The following PPP4R3A variants were observed in gnomAD, a reference collection of about 807,000 sequenced individuals.
The protein encoded by PPP4R3A is protein phosphatase 4 regulatory subunit 3A.
Under a neutral mutation model 91.7 loss-of-function variants are expected in PPP4R3A, and 15 were observed. The ratio of observed to expected loss-of-function variants is 0.16; its 90% CI spans 0.11 to 0.25. PPP4R3A has a LOEUF of 0.25. Among genes scored for constraint, PPP4R3A ranks in the 10% least tolerant of loss-of-function variants. PPP4R3A has a pLI of 1.00. For synonymous variants in PPP4R3A, 377 were observed against 348.7 expected (o/e 1.08, Z -0.91); for missense variants, 623 against 998.4 (o/e 0.62, Z 5.07).
Position 91,458,471 on chromosome 14 carries a change from C to A in PPP4R3A, c.*288G>T. 1 of 450,422 alleles carries A rather than the reference C, an allele frequency of 2.2e-6. No individual in the cohort carries two copies. The highest frequency in any genetic ancestry group is 2.2e-5 in the South Asian group (1 of 46,238). 27.9% of individuals were successfully genotyped at this position (450,422 alleles called of 1,614,324 possible). On this transcript the variant is annotated 3_prime_UTR_variant, in exon 15 of 15. Coordinates refer to ENST00000554943, the MANE Select transcript of PPP4R3A (RefSeq NM_001366432.2). ...ACCAGTCAATCCAGAGTTCCACTTA[C>A]AAAACCCCTGCCCTGTTGGCTTTTT...
intron 9 of PPP4R3A, among the ~76,000 whole-genome samples, chr14:91,472,298 G>A (rs1360315520): frequency 1.3e-5 from 2 of 151,812 alleles, no homozygotes; most frequent in East Asian, 3.9e-4. Flanking sequence ...CTATACATCT[G>A]GAGTACAAAT....
At chr14:91,489,594 GTTCA>G (rs1890113481) in intron 2 of PPP4R3A, among the ~76,000 whole-genome samples, 2 of 152,204 alleles carry the variant, frequency 1.3e-5, no homozygotes, top group Admixed American at 1.3e-4. Context: ...ACATGAATCT[GTTCA>G]TTCATTCTCA....
intron 14 of PPP4R3A, 152 bp from the exon 15 acceptor site, chr14:91,459,021 G>A (rs1887953455): frequency 1.2e-6 from 1 of 836,416 alleles, no homozygotes; most frequent in Non-Finnish European, 1.8e-6. Context: ...AATTCATTAT[G>A]TTTACATATT....
chr14:91,464,213 C>T (rs776053295), intron 11 of PPP4R3A, among the ~76,000 whole-genome samples: 4 of 152,040 alleles, frequency 2.6e-5, no homozygotes, highest in Non-Finnish European at 4.4e-5. Context: ...CCCAGCTACT[C>T]TAGAGGCTGA....
At chr14:91,499,974 G>A (rs531973619) in intron 1 of PPP4R3A, among the ~76,000 whole-genome samples, 1 of 152,236 alleles carries the variant, frequency 6.6e-6, no homozygotes, top group South Asian at 2.1e-4. Flanking sequence ...AAAGATGGCT[G>A]GTAGTACAGA....
At chr14:91,500,885 A>T (rs1032014192) in intron 1 of PPP4R3A, among the ~76,000 whole-genome samples, 9 of 152,154 alleles carry the variant, frequency 5.9e-5, no homozygotes, top group South Asian at 4.1e-4. Context: ...TGCAAAAATT[A>T]GCTGGACATG....
chr14:91,502,456 C>G (rs1333078242), intron 1 of PPP4R3A, among the ~76,000 whole-genome samples: 2 of 152,132 alleles, frequency 1.3e-5, no homozygotes, highest in African/African-American at 4.8e-5. Context: ...TGAAATACTT[C>G]CCCTTGTACC....
At chr14:91,495,557 G>C (rs1475685983) in intron 1 of PPP4R3A, among the ~76,000 whole-genome samples, 1 of 152,010 alleles carries the variant, frequency 6.6e-6, no homozygotes, top group Non-Finnish European at 1.5e-5. Flanking sequence ...TTGCTAATGG[G>C]CACATGATTT....
chr14:91,497,629 T>G (rs1890664542), intron 1 of PPP4R3A, among the ~76,000 whole-genome samples: 2 of 152,170 alleles, frequency 1.3e-5, no homozygotes, highest in South Asian at 4.1e-4. Context: ...GCACTTGGAC[T>G]TTCTCAAAAA....
chr14:91,495,181 A>G (rs780062689), intron 1 of PPP4R3A, among the ~76,000 whole-genome samples: 5 of 152,206 alleles, frequency 3.3e-5, no homozygotes, highest in Non-Finnish European at 7.3e-5. Context: ...GATAAATTCA[A>G]TGTGGCATAT....
At chr14:91,490,900 ATT>A (rs36126220) in intron 1 of PPP4R3A, 98 bp from the exon 2 acceptor site, 7,081 of 276,014 alleles carry the variant, frequency 0.026, 3 homozygotes, top group Non-Finnish European at 0.034. Context: ...AATAATAATA[ATT>A]TTTTTTTTTT....
intron 10 of PPP4R3A, among the ~76,000 whole-genome samples, chr14:91,469,326 AATTTATTC>A (rs1273153084): frequency 1.3e-5 from 2 of 152,158 alleles, no homozygotes; most frequent in Non-Finnish European, 2.9e-5. Flanking sequence ...AAAATAAAAC[AATTTATTC>A]ATTTATTCAG....
chr14:91,462,639 T>C, intron 12 of PPP4R3A, 96 bp downstream of exon 12: 1 of 1,372,864 alleles, frequency 7.3e-7, no homozygotes, highest in Non-Finnish European at 1.0e-6. Context: ...CTGATTTCCC[T>C]GTTCCTTGTC....
At chr14:91,468,824 C>T (rs554741823) in intron 10 of PPP4R3A, among the ~76,000 whole-genome samples, 159 of 151,330 alleles carry the variant, frequency 1.1e-3, no homozygotes, top group Non-Finnish European at 2.0e-3. Flanking sequence ...CTCAAGTTAC[C>T]AATTGTGTGA....
chr14:91,498,673 G>C (rs571828702), intron 1 of PPP4R3A, among the ~76,000 whole-genome samples: 1 of 151,932 alleles, frequency 6.6e-6, no homozygotes, highest in East Asian at 2.0e-4. Flanking sequence ...CCAGCACTTT[G>C]GGAGGCAGAG....
intron 1 of PPP4R3A, among the ~76,000 whole-genome samples, chr14:91,495,718 T>C (rs1194869115): frequency 1.3e-5 from 2 of 151,626 alleles, no homozygotes; most frequent in African/African-American, 2.4e-5. Flanking sequence ...ACAGGTGGAG[T>C]GCAGCCTAGG....
At chr14:91,490,130 T>A (rs1208115125) in intron 2 of PPP4R3A, among the ~76,000 whole-genome samples, 1 of 152,260 alleles carries the variant, frequency 6.6e-6, no homozygotes, top group African/African-American at 2.4e-5. Flanking sequence ...TCTGTGTGGG[T>A]GTACGTGAAG....
chr14:91,470,309 A>C lies in PPP4R3A; in HGVS notation c.1660+528T>G, dbSNP rs145600726. ...ACTCGGGTCTTAAGAACACTGTGAA[A>C]GTCATTCTGAAAAACTTATGTCTAA... is the stretch of plus-strand genomic sequence containing the variant. On this transcript the variant is annotated intron_variant, in intron 10 of 14. Coordinates refer to ENST00000554943, the MANE Select transcript of PPP4R3A (RefSeq NM_001366432.2). 4.0e-3 allele frequency among the ~76,000 whole-genome samples: 602 copies of C among 152,332 alleles called. 8 individuals are homozygous for C. The highest frequency in any genetic ancestry group is 0.013 in the African/African-American group (553 of 41,568).
At chr14:91,478,363 A>G (rs554091522) in intron 4 of PPP4R3A, among the ~76,000 whole-genome samples, 1 of 152,356 alleles carries the variant, frequency 6.6e-6, no homozygotes, top group South Asian at 2.1e-4. Flanking sequence ...GAAGCAGTCA[A>G]TGTTAAGAGG....
Sources: allele counts gnomAD v4.1 joint callset (sites outside exome capture counted in the v4.1 genomes callset), GRCh38; gene constraint gnomAD v4.1.1; transcripts MANE v1.5; gene names NCBI Gene and HGNC (gene_info 2026-07-23, HGNC 2026-07-21).